The following ARHGAP31 variants were observed in gnomAD, a reference collection of about 807,000 sequenced individuals.
ARHGAP31 encodes the protein Rho GTPase activating protein 31.
Under a neutral mutation model 113.9 loss-of-function variants are expected in ARHGAP31, and 34 were observed. That is an observed-to-expected ratio of 0.30 (90% CI 0.23 to 0.40). The LOEUF (loss-of-function observed/expected upper bound fraction) is 0.40, where lower values mean the gene tolerates loss of function less well. ARHGAP31 is among the 10% of genes least tolerant of loss of function. The probability of loss-of-function intolerance (pLI) is 1.00; values close to 1 mark genes in which losing one functional copy is unlikely to be tolerated. For synonymous variants in ARHGAP31, 650 were observed against 684.8 expected, an observed-to-expected ratio of 0.95 and a Z score of 0.79; for missense variants, 1,548 against 1,767.1, an observed-to-expected ratio of 0.88 and a Z score of 2.22.
At chr3:119,407,556 A>T (rs2080675129) in intron 10 of ARHGAP31, among the ~76,000 whole-genome samples, 1 of 152,210 alleles carries the variant, frequency 6.6e-6, no homozygotes, top group South Asian at 2.1e-4. Context: ...ACATATGCAA[A>T]AATAAACTCT....
At chr3:119,405,182 TG>T (rs1414139029) in intron 10 of ARHGAP31, among the ~76,000 whole-genome samples, 3 of 152,242 alleles carry the variant, frequency 2.0e-5, no homozygotes, top group Non-Finnish European at 2.9e-5. Flanking sequence ...AAATTTGTTT[TG>T]CCCTATTTTT....
intron 1 of ARHGAP31, among the ~76,000 whole-genome samples, chr3:119,304,886 C>T (rs2079617159): frequency 6.7e-6 from 1 of 148,998 alleles, no homozygotes; most frequent in Non-Finnish European, 1.5e-5. Flanking sequence ...CAGAGTGAGA[C>T]TCTGTCTCAA....
At chr3:119,309,268 G>C (rs530218514) in intron 1 of ARHGAP31, among the ~76,000 whole-genome samples, 1 of 152,190 alleles carries the variant, frequency 6.6e-6, no homozygotes, top group Non-Finnish European at 1.5e-5. Context: ...TTCTACTAAT[G>C]AGTCTCTACT....
intron 1 of ARHGAP31, among the ~76,000 whole-genome samples, chr3:119,337,814 A>G (rs541421242): frequency 5.9e-5 from 9 of 152,224 alleles, no homozygotes; most frequent in Admixed American, 4.6e-4. Context: ...TGTGTTTACA[A>G]ACCTTTAGCT....
chr3:119,324,226 A>G (rs181824003), intron 1 of ARHGAP31, among the ~76,000 whole-genome samples: 2 of 152,188 alleles, frequency 1.3e-5, no homozygotes, highest in African/African-American at 4.8e-5. Flanking sequence ...AAGGTTCTCA[A>G]CTCACTTCAA....
At chr3:119,387,180 GTCCGCCTGGTAACGGGCGTCT>G (rs2080459587) in intron 6 of ARHGAP31, among the ~76,000 whole-genome samples, 2 of 152,196 alleles carry the variant, frequency 1.3e-5, no homozygotes, top group African/African-American at 4.8e-5. Flanking sequence ...CTGGACCACA[GTCCGCCTGGTAACGGGCGTCT>G]TCCCAGACGC....
chr3:119,375,132 G>A (rs2080335790), intron 3 of ARHGAP31, among the ~76,000 whole-genome samples: 1 of 152,118 alleles, frequency 6.6e-6, no homozygotes, highest in African/African-American at 2.4e-5. Context: ...GTGAGTACAT[G>A]TATTAGTTTC....
At chr3:119,338,705 GTTTTA>G (rs1021635497) in intron 1 of ARHGAP31, among the ~76,000 whole-genome samples, 78 of 152,212 alleles carry the variant, frequency 5.1e-4, no homozygotes, top group African/African-American at 1.5e-3. Flanking sequence ...AAGAGTTTTA[GTTTTA>G]TTTTAAAACT....
At position 119,331,228 on chromosome 3, in the gene ARHGAP31, C is replaced by T. The variant is rs946254462; in HGVS notation, c.101-34088C>T. Among the ~76,000 whole-genome samples the T allele has an allele frequency of 3.3e-5, 5 of 152,004 alleles. No individual in the cohort carries two copies. The East Asian group carries it at 7.7e-4, about 23-fold the overall frequency. On this transcript the variant is annotated intron_variant, in intron 1 of 11. Transcript: ENST00000264245. ...AAATAATAAAACATTGTTTCAGCCC[C>T]GAGTCACATTTCTGTAGCACTCCAT...
chr3:119,294,519 C>T lies in ARHGAP31; in HGVS notation c.-386C>T, dbSNP rs965486304. On this transcript the variant is annotated 5_prime_UTR_variant, in exon 1 of 12. Coordinates refer to ENST00000264245, the MANE Select transcript of ARHGAP31 (RefSeq NM_020754.4). ...CAGTCTCCTCGCCCCGCGTCCGCGT[C>T]GTCTCCGGGGCACTTAGTAAGGGGT... The T allele has an allele frequency of 6.6e-6, 3 of 453,200 alleles. No homozygotes were observed. The highest frequency in any genetic ancestry group is 4.2e-5 in the Admixed American group (1 of 23,932). The allele number at this position is 453,200 out of a possible 1,614,324, so 28.1% of individuals were successfully genotyped here. A position where few individuals can be genotyped will look rare whatever the true frequency, so the allele number is the denominator to read the frequency against.
chr3:119,386,359 T>G (rs2080448114), intron 6 of ARHGAP31, among the ~76,000 whole-genome samples: 1 of 152,196 alleles, frequency 6.6e-6, no homozygotes, highest in Non-Finnish European at 1.5e-5. Flanking sequence ...GCCGGTAGAT[T>G]CAGTGTCTGG....
At chr3:119,407,875 C>T (rs2080678390) in intron 10 of ARHGAP31, among the ~76,000 whole-genome samples, 1 of 152,312 alleles carries the variant, frequency 6.6e-6, no homozygotes, top group African/African-American at 2.4e-5. Flanking sequence ...AAAGGTTCCA[C>T]ATCCATGGAT....
intron 1 of ARHGAP31, among the ~76,000 whole-genome samples, chr3:119,315,252 T>C (rs2079719553): frequency 6.6e-6 from 1 of 152,242 alleles, no homozygotes; most frequent in South Asian, 2.1e-4. Context: ...CAAGAATATT[T>C]TCATTTTATA....
chr3:119,301,735 G>C (rs2079586697), intron 1 of ARHGAP31, among the ~76,000 whole-genome samples: 1 of 152,130 alleles, frequency 6.6e-6, no homozygotes, highest in Non-Finnish European at 1.5e-5. Context: ...GTGGAGAAAG[G>C]GGATGGGGCT....
chr3:119,361,430 G>T (rs912314210), intron 1 of ARHGAP31, among the ~76,000 whole-genome samples: 1 of 147,252 alleles, frequency 6.8e-6, no homozygotes, highest in East Asian at 2.0e-4. Context: ...CGCCCAGTCT[G>T]GAGTTCAGTG....
Position 119,409,722 on chromosome 3 carries a change from C to T in ARHGAP31, c.1872C>T (p.Ser624=), listed in dbSNP as rs768425971. 5.0e-6 allele frequency: 8 copies of T among 1,609,156 alleles called. No individual in the cohort carries two copies. The African/African-American group carries it at 6.7e-5, about 13-fold the overall frequency. The change falls in exon 11 of 12, where the codon AGC becomes AGT. Residue 624 remains serine (S), a synonymous_variant. Coordinates refer to ENST00000264245, the MANE Select transcript of ARHGAP31 (RefSeq NM_020754.4). The part of the protein sequence containing the change: ...EGREAGEMES[S]TLQESPRARA... Reference sequence around the variant, plus strand: ...GAGAGGCTGGTGAGATGGAGTCCAGCACCCTGCAGGAGAGCCCCAGGGCCA... The same window carrying T: ...GAGAGGCTGGTGAGATGGAGTCCAGTACCCTGCAGGAGAGCCCCAGGGCCA...
At position 119,365,403 on chromosome 3, in the gene ARHGAP31, A is replaced by G. The variant is rs199618631; in HGVS notation, c.188A>G (p.Asn63Ser). Residue 63 changes from asparagine to serine, a missense_variant, in exon 2 of 12, where the codon AAC becomes AGC. Transcript: ENST00000264245. Reference protein sequence around the residue: ...GIYRLSGVTSNIQRLRQEFGS... With the variant: ...GIYRLSGVTSSIQRLRQEFGS... ...TATCGGCTTTCAGGAGTCACCTCAA[A>G]CATACAACGGCTAAGGTAAGCTAAA... is the stretch of plus-strand genomic sequence containing the variant. 2 of 1,613,962 alleles carry G rather than the reference A, an allele frequency of 1.2e-6. No individual in the cohort carries two copies. Among genetic ancestry groups the G allele is most frequent in the Non-Finnish European group, 1.7e-6 (2 of 1,179,892 alleles).
At chr3:119,349,473 G>C (rs2080091583) in intron 1 of ARHGAP31, among the ~76,000 whole-genome samples, 1 of 152,204 alleles carries the variant, frequency 6.6e-6, no homozygotes, top group South Asian at 2.1e-4. Context: ...TTACATCCTG[G>C]ACGGAGAATG....
At chr3:119,382,680 A>G (rs1402093897) in intron 5 of ARHGAP31, among the ~76,000 whole-genome samples, 1 of 151,924 alleles carries the variant, frequency 6.6e-6, no homozygotes, top group Non-Finnish European at 1.5e-5. Flanking sequence ...AAAGGCCTTT[A>G]TTGTTTTGGG....
Sources: allele counts gnomAD v4.1 joint callset (sites outside exome capture counted in the v4.1 genomes callset), GRCh38; gene constraint gnomAD v4.1.1; transcripts MANE v1.5; gene names NCBI Gene and HGNC (gene_info 2026-07-23, HGNC 2026-07-21).